CDH23: variants seen among roughly 807,000 people sequenced by gnomAD.
CDH23 encodes the protein cadherin related 23.
A neutral mutation model predicts 317.1 loss-of-function variants in CDH23; 189 were observed. That is an observed-to-expected ratio of 0.60 (90% confidence interval 0.53 to 0.67). The LOEUF (loss-of-function observed/expected upper bound fraction) is 0.67, where lower values mean the gene tolerates loss of function less well. Among genes scored for constraint, CDH23 ranks in the 30% least tolerant of loss-of-function variants. The pLI, the probability that CDH23 is intolerant of heterozygous loss-of-function variation, is 0.00. For synonymous variants in CDH23, 1,839 were observed against 1,876.8 expected (o/e 0.98, Z 0.52); for missense variants, 4,401 against 4,592.4 (o/e 0.96, Z 1.20).
chr10:71,697,932 T>A (rs1220667081), intron 22 of CDH23, among the ~76,000 whole-genome samples: 1 of 152,186 alleles, frequency 6.6e-6, no homozygotes, highest in Non-Finnish European at 1.5e-5. Context: ...CCCAGGGTAG[T>A]ATTTGAGACC....
chr10:71,478,261 C>T (rs529322334), intron 3 of CDH23, among the ~76,000 whole-genome samples: 50 of 152,378 alleles, frequency 3.3e-4, no homozygotes, highest in African/African-American at 1.2e-3. Flanking sequence ...CTCAGCTTCT[C>T]ACCGTCATCT....
At chr10:71,725,635 T>A in intron 30 of CDH23, 115 bp downstream of exon 30, 10 of 1,232,730 alleles carry the variant, frequency 8.1e-6, no homozygotes, top group Non-Finnish European at 1.0e-5. Context: ...CTGATTTAGG[T>A]GCTGAATGAC....
intron 20 of CDH23, among the ~76,000 whole-genome samples, chr10:71,691,862 C>T (rs1564736037): frequency 6.6e-6 from 1 of 152,208 alleles, no homozygotes; most frequent in Admixed American, 6.5e-5. Context: ...AATCCCTTTT[C>T]CTGGAGGCTT....
chr10:71,654,107 G>T (rs566354415), intron 14 of CDH23, among the ~76,000 whole-genome samples: 1 of 152,350 alleles, frequency 6.6e-6, no homozygotes, highest in East Asian at 1.9e-4. Context: ...AAACAAGCTT[G>T]CAGGTGAGAA....
In CDH23 at chr10:71,784,899, G is replaced by A. The variant is rs1425185527; in HGVS notation, c.5511G>A (p.Val1837=). 1 of 1,613,520 alleles carries A rather than the reference G, an allele frequency of 6.2e-7. No homozygotes were observed. Among genetic ancestry groups the A allele is most frequent in the South Asian group, 1.1e-5 (1 of 91,068 alleles). Residue 1837 remains valine, a synonymous_variant, in exon 43 of 70, where the codon GTG becomes GTA. Transcript: ENST00000224721. The part of the protein sequence containing the change: ...GMPPLSSTML[V]GIRVLDINDN... ...TTCTCTGACTGGCCCAGATGCTGGT[G>A]GGGATCCGGGTGCTGGACATCAACG...
chr10:71,415,012 C>T (rs1848478348), intron 1 of CDH23, among the ~76,000 whole-genome samples: 1 of 151,988 alleles, frequency 6.6e-6, no homozygotes, highest in Non-Finnish European at 1.5e-5. Flanking sequence ...CCTTAATTGT[C>T]CTCATGCATT....
rs1865633763 is a variant in CDH23 at position 71,702,618 on chromosome 10, A to G, written c.2657A>G (p.Asn886Ser). The G allele has an allele frequency of 1.2e-6, 2 of 1,613,882 alleles. No homozygotes were observed. The highest frequency in any genetic ancestry group is 2.7e-5 in the African/African-American group (2 of 74,922). ...VFVNLLDLNDNDPTFQNLPFV... is the reference protein window; with the variant it reads ...VFVNLLDLNDSDPTFQNLPFV... The stretch of plus-strand genomic sequence containing the variant: ...GTGAACCTCTTGGATCTCAATGACA[A>G]TGACCCCACCTTTCAGAACCTGCCT... The change falls in exon 24 of 70, where the codon AAT (asparagine) becomes AGT (serine). Residue 886 changes from asparagine to serine, a missense_variant. Transcript: ENST00000224721.
chr10:71,800,829 G>C, intron 53 of CDH23, 74 bp downstream of exon 53: 1 of 1,571,152 alleles, frequency 6.4e-7, no homozygotes, highest in Non-Finnish European at 8.6e-7. Context: ...CCTCTAGCAA[G>C]TGGACTGCTG....
intron 3 of CDH23, among the ~76,000 whole-genome samples, chr10:71,497,590 C>A (rs1442228495): frequency 1.3e-5 from 2 of 152,194 alleles, no homozygotes; most frequent in East Asian, 3.9e-4. Context: ...AGATTGTAAA[C>A]CCTTGGGAGC....
chr10:71,656,221 G>C (rs748610914), intron 14 of CDH23, among the ~76,000 whole-genome samples: 2 of 152,178 alleles, frequency 1.3e-5, no homozygotes, highest in Non-Finnish European at 2.9e-5. Context: ...CAGGGCATAC[G>C]AGTCCAAGGT....
At chr10:71,687,353 T>G (rs897931507) in intron 18 of CDH23, among the ~76,000 whole-genome samples, 2 of 152,082 alleles carry the variant, frequency 1.3e-5, no homozygotes, top group African/African-American at 4.8e-5. Context: ...CCTGGGGAGC[T>G]GGCAGCTGTC....
intron 3 of CDH23, among the ~76,000 whole-genome samples, chr10:71,506,399 T>C (rs1414234632): frequency 6.6e-6 from 1 of 152,210 alleles, no homozygotes; most frequent in Admixed American, 6.5e-5. Context: ...GATGTGTATT[T>C]TACCACAAAT....
At chr10:71,471,124 A>C (rs1729534191) in intron 3 of CDH23, among the ~76,000 whole-genome samples, 1 of 151,886 alleles carries the variant, frequency 6.6e-6, no homozygotes, top group African/African-American at 2.4e-5. Context: ...TTTGAAGAGC[A>C]GAAGTTTAAT....
intron 8 of CDH23, among the ~76,000 whole-genome samples, chr10:71,576,635 C>T (rs962834248): frequency 1.1e-4 from 16 of 152,256 alleles, no homozygotes; most frequent in Non-Finnish European, 7.4e-5. Flanking sequence ...TGGGGACAGG[C>T]TTATCTTGCT....
At chr10:71,720,223 C>T (rs563102752) in intron 28 of CDH23, among the ~76,000 whole-genome samples, 1 of 152,308 alleles carries the variant, frequency 6.6e-6, no homozygotes, top group South Asian at 2.1e-4. Flanking sequence ...GGCCCCATTC[C>T]TTCCAGGCTT....
At chr10:71,526,191 G>A (rs1855029724) in intron 6 of CDH23, among the ~76,000 whole-genome samples, 1 of 152,210 alleles carries the variant, frequency 6.6e-6, no homozygotes, top group Non-Finnish European at 1.5e-5. Context: ...TCCTCCTGTG[G>A]CATGTATCAA....
intron 18 of CDH23, among the ~76,000 whole-genome samples, chr10:71,686,040 G>A (rs774689074): frequency 1.3e-5 from 2 of 152,068 alleles, no homozygotes; most frequent in Non-Finnish European, 1.5e-5. Context: ...GAGGGGCCAG[G>A]TGATTCTTTT....
At chr10:71,573,909 C>G (rs1360664779) in intron 8 of CDH23, among the ~76,000 whole-genome samples, 2 of 152,236 alleles carry the variant, frequency 1.3e-5, no homozygotes, top group African/African-American at 2.4e-5. Flanking sequence ...TCCCTCGCCT[C>G]TTGCAGAGCC....
At chr10:71,774,682 G>A (rs924125845) in intron 38 of CDH23, among the ~76,000 whole-genome samples, 1 of 152,212 alleles carries the variant, frequency 6.6e-6, no homozygotes, top group African/African-American at 2.4e-5. Flanking sequence ...CCAGGACCAG[G>A]GATCACAGGA....
Sources: gnomAD v4.1 joint callset for allele counts (sites outside exome capture counted in the v4.1 genomes callset) on GRCh38, gnomAD v4.1.1 for gene constraint, MANE v1.5 for transcripts, NCBI Gene and HGNC (gene_info 2026-07-23, HGNC 2026-07-21) for gene names.